ZNF277: variants seen among roughly 807,000 people sequenced by gnomAD.
The protein encoded by ZNF277 is zinc finger protein 277, also known as nuclear receptor-interacting factor 4.
A neutral mutation model predicts 60.7 loss-of-function variants in ZNF277; 55 were observed. That is an observed-to-expected ratio of 0.91 (90% CI 0.73 to 1.13). The LOEUF (loss-of-function observed/expected upper bound fraction) is 1.13, where lower values mean the gene tolerates loss of function less well. Among genes scored for constraint, ZNF277 ranks in the 50% most tolerant of loss-of-function variants. The probability of loss-of-function intolerance (pLI) is 0.00; values close to 1 mark genes in which losing one functional copy is unlikely to be tolerated. For synonymous variants in ZNF277, 178 were observed against 179.3 expected (o/e 0.99, Z 0.06); for missense variants, 510 against 523.0 (o/e 0.98, Z 0.24).
At chr7:112,219,112 A>T (rs937166437) in intron 1 of ZNF277, among the ~76,000 whole-genome samples, 1 of 151,734 alleles carries the variant, frequency 6.6e-6, no homozygotes, top group African/African-American at 2.4e-5. Context: ...TTTTCTCCAC[A>T]CTCTCTCCAA....
intron 8 of ZNF277, among the ~76,000 whole-genome samples, chr7:112,337,009 T>C (rs148989803): frequency 5.9e-5 from 9 of 152,190 alleles, no homozygotes; most frequent in East Asian, 1.9e-4. Context: ...TTGGGTTAGG[T>C]TGATCTTGAG....
chr7:112,310,170 G>T (rs1251696837), intron 4 of ZNF277, among the ~76,000 whole-genome samples: 1 of 151,986 alleles, frequency 6.6e-6, no homozygotes, highest in Non-Finnish European at 1.5e-5. Flanking sequence ...ATCTTATGTG[G>T]CTCAGAGCCC....
chr7:112,249,573 C>G lies in ZNF277; in HGVS notation c.92-37300C>G, dbSNP rs572698775. On this transcript the variant is annotated intron_variant, in intron 1 of 11. Coordinates refer to ENST00000361822, the MANE Select transcript of ZNF277 (RefSeq NM_021994.3). ...GATGATGTGTTCAAGCACAGGTGGTCAAAGAGAAGGAAATAGGAGACAGAG... is the reference window on the plus strand; with the variant it reads ...GATGATGTGTTCAAGCACAGGTGGTGAAAGAGAAGGAAATAGGAGACAGAG... 2.0e-5 allele frequency among the ~76,000 whole-genome samples: 3 copies of G among 152,098 alleles called. No individual in the cohort carries two copies. The South Asian group carries it at 6.2e-4, about 32-fold the overall frequency.
chr7:112,285,400 A>T (rs1274229249), intron 1 of ZNF277, among the ~76,000 whole-genome samples: 1 of 149,886 alleles, frequency 6.7e-6, no homozygotes, highest in African/African-American at 2.5e-5. Context: ...AATGCCTTTA[A>T]AAAGAAGATA....
intron 1 of ZNF277, among the ~76,000 whole-genome samples, chr7:112,247,402 G>C (rs974766240): frequency 1.3e-5 from 2 of 152,180 alleles, no homozygotes; most frequent in African/African-American, 4.8e-5. Context: ...ATAGCAGATT[G>C]ACATGAGCAA....
rs559842605 is a variant in ZNF277 at position 112,269,611 on chromosome 7, A to T, written c.92-17262A>T. On this transcript the variant is annotated intron_variant, in intron 1 of 11. Transcript: ENST00000361822. ...TGGCATATGCAAGAAGACTTGTAGC[A>T]CTTCACTAAAGAGGATGCCTTGGTA... is the stretch of plus-strand genomic sequence containing the variant. 3.3e-5 allele frequency among the ~76,000 whole-genome samples: 5 copies of T among 152,212 alleles called. No homozygotes were observed. In the South Asian group the frequency reaches 1.0e-3, roughly 32 times the overall value.
chr7:112,338,619 G>A (rs1477956765), intron 9 of ZNF277, among the ~76,000 whole-genome samples: 2 of 151,984 alleles, frequency 1.3e-5, no homozygotes, highest in Non-Finnish European at 2.9e-5. Flanking sequence ...CAGAAATACT[G>A]TTCTTAGTTT....
intron 1 of ZNF277, among the ~76,000 whole-genome samples, chr7:112,225,166 A>T (rs895503679): frequency 3.3e-5 from 5 of 152,174 alleles, no homozygotes; most frequent in African/African-American, 1.2e-4. Flanking sequence ...CCAGGTAGAG[A>T]TGAGGCCAAG....
Position 112,287,080 on chromosome 7 carries a change from T to C in ZNF277, c.293+6T>C, listed in dbSNP as rs1335686604. Reference sequence around the variant, plus strand: ...TTGGTTGCTGATTTCCAAAGGTAAGTTCTGTTTTTGTCCTTAAAAGAATTA... The same window carrying C: ...TTGGTTGCTGATTTCCAAAGGTAAGCTCTGTTTTTGTCCTTAAAAGAATTA... On this transcript the variant is annotated splice_donor_region_variant and intron_variant, in intron 2 of 11. Coordinates refer to ENST00000361822, the MANE Select transcript of ZNF277 (RefSeq NM_021994.3). 1 of 1,613,624 alleles carries C rather than the reference T, an allele frequency of 6.2e-7. No individual in the cohort carries two copies. The highest frequency in any genetic ancestry group is 8.5e-7 in the Non-Finnish European group (1 of 1,179,666).
chr7:112,206,946 C>A (rs1821509307), intron 1 of ZNF277, 139 bp downstream of exon 1: 2 of 785,724 alleles, frequency 2.5e-6, no homozygotes, highest in Admixed American at 3.6e-5. Context: ...CGGGTGGTGG[C>A]CCAGCGGGAT....
chr7:112,243,655 T>G (rs1324377404), intron 1 of ZNF277, among the ~76,000 whole-genome samples: 1 of 151,956 alleles, frequency 6.6e-6, no homozygotes, highest in Non-Finnish European at 1.5e-5. Flanking sequence ...AGGATGGCTA[T>G]AGTTAAAAAG....
At chr7:112,216,530 G>A (rs948540609) in intron 1 of ZNF277, among the ~76,000 whole-genome samples, 1 of 152,068 alleles carries the variant, frequency 6.6e-6, no homozygotes, top group East Asian at 1.9e-4. Context: ...GGCTGGTCTC[G>A]AATTTCTGAG....
intron 4 of ZNF277, among the ~76,000 whole-genome samples, chr7:112,299,897 ATATT>A (rs1179623616): frequency 5.1e-4 from 78 of 152,302 alleles, no homozygotes; most frequent in South Asian, 8.3e-4. Flanking sequence ...TTATTCTTAA[ATATT>A]TATTCTTTCA....
chr7:112,262,267 A>G (rs1791455696), intron 1 of ZNF277, among the ~76,000 whole-genome samples: 2 of 148,026 alleles, frequency 1.4e-5, no homozygotes, highest in South Asian at 4.3e-4. Flanking sequence ...AAAAAAAAAG[A>G]TCATTGAGCC....
chr7:112,293,142 C>T lies in ZNF277; in HGVS notation c.294-2727C>T, dbSNP rs1792246783. On this transcript the variant is annotated intron_variant, in intron 2 of 11. Transcript: ENST00000361822. ...ACCTTTGAATTCAAAGTCCTTGCTT[C>T]TCTATTCACCATTGCCTCCGGGGTG... is the stretch of plus-strand genomic sequence containing the variant. Among the ~76,000 whole-genome samples the T allele has an allele frequency of 2.6e-5, 4 of 152,164 alleles. No homozygotes were observed. In the South Asian group the frequency reaches 8.3e-4, roughly 32 times the overall value.
chr7:112,297,496 T>C (rs1792382141), intron 4 of ZNF277, among the ~76,000 whole-genome samples: 1 of 152,192 alleles, frequency 6.6e-6, no homozygotes, highest in Admixed American at 6.5e-5. Context: ...AGTCATATAA[T>C]TTAAGAAAGT....
chr7:112,225,239 T>G (rs1822145277), intron 1 of ZNF277, among the ~76,000 whole-genome samples: 1 of 152,194 alleles, frequency 6.6e-6, no homozygotes. Flanking sequence ...AATGGTGGGC[T>G]TAGGGACTCC....
At chr7:112,241,482 C>A (rs1164346766) in intron 1 of ZNF277, among the ~76,000 whole-genome samples, 1 of 152,078 alleles carries the variant, frequency 6.6e-6, no homozygotes, top group Admixed American at 6.5e-5. Context: ...TGCAATCCAG[C>A]AATCCTGCTC....
In ZNF277 at chr7:112,306,794, T is replaced by C. The variant is rs575814140; in HGVS notation, c.465+10483T>C. 1.1e-3 allele frequency among the ~76,000 whole-genome samples: 168 copies of C among 152,180 alleles called. 4 individuals are homozygous for C. The highest frequency in any genetic ancestry group is 2.0e-3 in the Non-Finnish European group (135 of 67,974). On this transcript the variant is annotated intron_variant, in intron 4 of 11. Coordinates refer to ENST00000361822, the MANE Select transcript of ZNF277 (RefSeq NM_021994.3). ...TATTTAATTTTTTAATATTTAAATC[T>C]TTTAACACCAAATACATGCCTATAA...
Sources: allele counts gnomAD v4.1 joint callset (sites outside exome capture counted in the v4.1 genomes callset), GRCh38; gene constraint gnomAD v4.1.1; transcripts MANE v1.5; gene names NCBI Gene and HGNC (gene_info 2026-07-23, HGNC 2026-07-21).